LYPLAL1: variants seen among roughly 807,000 people sequenced by gnomAD.
LYPLAL1 encodes the protein lysophospholipase-like protein 1.
In LYPLAL1, 23 loss-of-function variants were observed where a neutral mutation model predicts 19.7. That is an observed-to-expected ratio of 1.17 (90% CI 0.84 to 1.65). The LOEUF is 1.65. LYPLAL1 is among the 40% of genes most tolerant of loss of function. The pLI is 0.00. For synonymous variants in LYPLAL1, 119 were observed against 96.3 expected (o/e 1.24, Z -1.38); for missense variants, 355 against 279.4 (o/e 1.27, Z -1.93).
chr1:219,373,549 C>T, the LYPLAL1 span, among the ~76,000 whole-genome samples: 1 of 152,168 alleles, frequency 6.6e-6, no homozygotes, highest in African/African-American at 2.4e-5. Flanking sequence ...TTCCCAGGCC[C>T]ATTTTTTTAG....
chr1:219,236,296 A>G, the LYPLAL1 span, among the ~76,000 whole-genome samples: 1 of 152,246 alleles, frequency 6.6e-6, no homozygotes, highest in Admixed American at 6.5e-5. Flanking sequence ...TTGGTTTAAC[A>G]CATTTTAATG....
the LYPLAL1 span, among the ~76,000 whole-genome samples, chr1:219,337,493 C>A: frequency 6.6e-6 from 1 of 151,972 alleles, no homozygotes; most frequent in East Asian, 1.9e-4. Flanking sequence ...TTGATTAAAG[C>A]AGGAGCACAT....
intron 3 of LYPLAL1, among the ~76,000 whole-genome samples, chr1:219,208,718 A>G (rs555836898): frequency 2.3e-4 from 35 of 152,186 alleles, no homozygotes; most frequent in South Asian, 1.0e-3. Flanking sequence ...TTTATATTCA[A>G]TAAATTAAAT....
At chr1:219,277,106 G>T in the LYPLAL1 span, among the ~76,000 whole-genome samples, 1 of 152,128 alleles carries the variant, frequency 6.6e-6, no homozygotes, top group Non-Finnish European at 1.5e-5. Flanking sequence ...GAAGGGCGCT[G>T]GTCCTTAGAG....
the LYPLAL1 span, chr1:219,271,809 A>C: frequency 1.3e-5 from 2 of 152,246 alleles, no homozygotes; most frequent in African/African-American, 4.8e-5. Flanking sequence ...TTGGCTATGA[A>C]GAAATGAAGA....
the LYPLAL1 span, among the ~76,000 whole-genome samples, chr1:219,311,911 C>A: frequency 2.0e-5 from 3 of 152,086 alleles, no homozygotes; most frequent in Non-Finnish European, 4.4e-5. Flanking sequence ...AAAAATTTTT[C>A]ACCAATAATA....
chr1:219,181,776 A>AT (rs1432733713), intron 2 of LYPLAL1, among the ~76,000 whole-genome samples: 3 of 152,122 alleles, frequency 2.0e-5, no homozygotes, highest in African/African-American at 4.8e-5. Flanking sequence ...TAATTAGCTG[A>AT]TTTTTTTCCT....
chr1:219,328,657 CTA>C, the LYPLAL1 span, among the ~76,000 whole-genome samples: 1 of 152,130 alleles, frequency 6.6e-6, no homozygotes, highest in East Asian at 1.9e-4. Context: ...GGCACAATAT[CTA>C]TATAAATAAG....
At chr1:219,274,346 T>A in the LYPLAL1 span, among the ~76,000 whole-genome samples, 1 of 152,192 alleles carries the variant, frequency 6.6e-6, no homozygotes, top group Admixed American at 6.5e-5. Flanking sequence ...GACTTCCCTC[T>A]ATCTTTTAAC....
At chr1:219,392,098 T>A in the LYPLAL1 span, among the ~76,000 whole-genome samples, 1 of 152,186 alleles carries the variant, frequency 6.6e-6, no homozygotes, top group Non-Finnish European at 1.5e-5. Context: ...CATCTCAGAC[T>A]CCCCTGTTTG....
At chr1:219,175,323 A>G (rs556328509) in intron 1 of LYPLAL1, among the ~76,000 whole-genome samples, 39 of 152,284 alleles carry the variant, frequency 2.6e-4, no homozygotes, top group African/African-American at 8.7e-4. Context: ...AAGACGGCAT[A>G]TATTTAGAAG....
chr1:219,254,947 C>T, the LYPLAL1 span, among the ~76,000 whole-genome samples: 6 of 151,872 alleles, frequency 4.0e-5, no homozygotes, highest in Admixed American at 1.3e-4. Flanking sequence ...AGTTGTCGAA[C>T]GTTTTGTTCC....
the LYPLAL1 span, among the ~76,000 whole-genome samples, chr1:219,400,775 T>G: frequency 6.6e-6 from 1 of 152,194 alleles, no homozygotes; most frequent in Non-Finnish European, 1.5e-5. Context: ...GCCGGGATTA[T>G]AGGCATGAGC....
At chr1:219,342,830 C>T in the LYPLAL1 span, among the ~76,000 whole-genome samples, 6 of 152,158 alleles carry the variant, frequency 3.9e-5, no homozygotes, top group Non-Finnish European at 8.8e-5. Context: ...AGTTGGTTAG[C>T]ATTTTAAAGA....
chr1:219,285,377 G>A, the LYPLAL1 span, among the ~76,000 whole-genome samples: 14 of 152,280 alleles, frequency 9.2e-5, no homozygotes, highest in East Asian at 2.7e-3. Context: ...TAAATGAGAG[G>A]TGCTTCACAT....
chr1:219,253,559 G>C, the LYPLAL1 span, among the ~76,000 whole-genome samples: 1 of 151,884 alleles, frequency 6.6e-6, no homozygotes, highest in Non-Finnish European at 1.5e-5. Flanking sequence ...AGAGCATGCT[G>C]TTTAGTTTCC....
At position 219,190,007 on chromosome 1, in the gene LYPLAL1, AC is replaced by A. The variant is rs1403638432; in HGVS notation, c.192-3074del. Among the ~76,000 whole-genome samples the A allele has an allele frequency of 2.0e-5, 3 of 151,598 alleles. No homozygotes were observed. The Admixed American group carries it at 2.0e-4, about 10-fold the overall frequency. On this transcript the variant is annotated intron_variant, in intron 2 of 4. Coordinates refer to ENST00000366928, the MANE Select transcript of LYPLAL1 (RefSeq NM_138794.5). ...CTCTAAAACCACTATAATATGATTAACGTTATATACTAACTTAATAATTAAC... is the reference window on the plus strand; with the variant it reads ...CTCTAAAACCACTATAATATGATTAAGTTATATACTAACTTAATAATTAAC...
the LYPLAL1 span, among the ~76,000 whole-genome samples, chr1:219,244,015 T>C: frequency 1.3e-5 from 2 of 148,186 alleles, no homozygotes; most frequent in Middle Eastern, 3.3e-3. Context: ...CTCACAGAAA[T>C]GTACAAGAGG....
chr1:219,246,618 A>T, the LYPLAL1 span, among the ~76,000 whole-genome samples: 1 of 152,138 alleles, frequency 6.6e-6, no homozygotes, highest in African/African-American at 2.4e-5. Context: ...ACAGGGTCTC[A>T]CCCTGTTGCC....
Sources: allele counts gnomAD v4.1 joint callset (sites outside exome capture counted in the v4.1 genomes callset), GRCh38; gene constraint gnomAD v4.1.1; transcripts MANE v1.5; gene names NCBI Gene and HGNC (gene_info 2026-07-23, HGNC 2026-07-21).